Variants in VSNL1 observed in about 807,000 individuals in gnomAD.
VSNL1 encodes visinin-like protein 1.
VSNL1 carries 6 observed loss-of-function variants against 20.4 expected under a neutral mutation model. The observed-to-expected ratio is 0.29, with a 90% confidence interval of 0.16 to 0.58. The LOEUF is 0.58. Ranked by LOEUF, VSNL1 falls within the 20% of genes least tolerant of loss-of-function variation. VSNL1 has a pLI of 0.90. For synonymous variants in VSNL1, 93 were observed against 86.4 expected (o/e 1.08, Z -0.42); for missense variants, 100 against 234.5 (o/e 0.43, Z 3.75).
chr2:17,609,551 T>C (rs1356678016), intron 2 of VSNL1, among the ~76,000 whole-genome samples: 2 of 152,200 alleles, frequency 1.3e-5, no homozygotes, highest in African/African-American at 4.8e-5. Flanking sequence ...GTGCAAGATG[T>C]GCAGCTATGT....
intron 2 of VSNL1, among the ~76,000 whole-genome samples, chr2:17,620,146 G>A (rs1227244355): frequency 6.6e-6 from 1 of 152,168 alleles, no homozygotes; most frequent in African/African-American, 2.4e-5. Context: ...AAGGCACATT[G>A]GGAAACACAG....
rs180871313 is a variant in VSNL1 at position 17,583,666 on chromosome 2, C to G, written c.-5-8404C>G. Among the ~76,000 whole-genome samples, 24 of 152,326 alleles carry G rather than the reference C, an allele frequency of 1.6e-4. No individual in the cohort carries two copies. The East Asian group carries it at 4.6e-3, about 29-fold the overall frequency. On this transcript the variant is annotated intron_variant, in intron 1 of 3. Coordinates refer to ENST00000295156, the MANE Select transcript of VSNL1 (RefSeq NM_003385.5). ...GGGTGAGCAAGAAATTGGATGGAAA[C>G]TTCACTCAATGGTTGATGCTTAGTT...
intron 1 of VSNL1, among the ~76,000 whole-genome samples, chr2:17,567,204 T>C (rs537782382): frequency 6.6e-6 from 1 of 152,218 alleles, no homozygotes; most frequent in South Asian, 2.1e-4. Flanking sequence ...GATGATTTGG[T>C]TTCCAGGTAT....
At chr2:17,560,138 G>C (rs941286373) in intron 1 of VSNL1, among the ~76,000 whole-genome samples, 8 of 151,254 alleles carry the variant, frequency 5.3e-5, no homozygotes, top group Non-Finnish European at 1.0e-4. Flanking sequence ...ATATGTAACT[G>C]TAAATCTTAT....
intron 2 of VSNL1, among the ~76,000 whole-genome samples, chr2:17,621,318 C>A (rs888534240): frequency 7.4e-6 from 1 of 134,348 alleles, no homozygotes; most frequent in African/African-American, 2.8e-5. Context: ...TTCTCCTTTT[C>A]TTTTCTCTTT....
intron 1 of VSNL1, among the ~76,000 whole-genome samples, chr2:17,564,733 ATT>A (rs1663897345): frequency 6.6e-6 from 1 of 152,204 alleles, no homozygotes; most frequent in East Asian, 1.9e-4. Flanking sequence ...ACATGGTATA[ATT>A]ATTGATGAGC....
At chr2:17,622,440 G>T (rs2555098) in intron 2 of VSNL1, among the ~76,000 whole-genome samples, 7,760 of 149,744 alleles carry the variant, frequency 0.052, 698 homozygotes, top group African/African-American at 0.18. Context: ...GGAGGTCGCA[G>T]TGAGCCAAGA....
In VSNL1 at chr2:17,627,726, G is replaced by T. The variant is rs374166924; in HGVS notation, c.163-21684G>T. 1.7e-3 allele frequency among the ~76,000 whole-genome samples: 261 copies of T among 152,296 alleles called. 1 individual carries two copies. The highest frequency in any genetic ancestry group is 6.0e-3 in the African/African-American group (250 of 41,556). On this transcript the variant is annotated intron_variant, in intron 2 of 3. Transcript: ENST00000295156. ...AGACATCTCAAAAAGCAGATCTTAG[G>T]TTCACAATAGTGATGTTACCTTCAA...
rs368875920 is a variant in VSNL1, at chr2:17,585,497, G to T, written c.-5-6573G>T. Among the ~76,000 whole-genome samples the T allele has an allele frequency of 1.5e-4, 23 of 152,198 alleles. No individual in the cohort carries two copies. The South Asian group carries it at 4.2e-3, about 28-fold the overall frequency. ...GTGTCAGTTGTTTATAGGATCCAAG[G>T]GGGTGGTGCTGGGGGTTGTTTCAAC... On this transcript the variant is annotated intron_variant, in intron 1 of 3. Transcript: ENST00000295156.
intron 1 of VSNL1, among the ~76,000 whole-genome samples, chr2:17,580,434 T>G (rs1664324346): frequency 6.6e-6 from 1 of 152,082 alleles, no homozygotes; most frequent in South Asian, 2.1e-4. Flanking sequence ...GCTAATATCC[T>G]CAGGAAGTTT....
chr2:17,619,322 CG>C lies in VSNL1; in HGVS notation c.162+27089del, dbSNP rs371967510. Among the ~76,000 whole-genome samples, 370 of 152,140 alleles carry C rather than the reference CG, an allele frequency of 2.4e-3. 1 individual carries two copies. Among genetic ancestry groups the C allele is most frequent in the African/African-American group, 8.7e-3 (362 of 41,482 alleles). On this transcript the variant is annotated intron_variant, in intron 2 of 3. Transcript: ENST00000295156. Reference sequence around the variant, plus strand: ...TGGAGGCCTGGGTATAGGTAGAGAGCGGGCAATCTTGGTCCATCTTCTCAGC... The same window carrying C: ...TGGAGGCCTGGGTATAGGTAGAGAGCGGCAATCTTGGTCCATCTTCTCAGC...
intron 1 of VSNL1, among the ~76,000 whole-genome samples, chr2:17,547,441 T>C (rs2103336091): frequency 6.6e-6 from 1 of 152,152 alleles, no homozygotes; most frequent in East Asian, 1.9e-4. Flanking sequence ...AGGAATCAAA[T>C]AGTGAACAGT....
At position 17,544,889 on chromosome 2, in the gene VSNL1, G is replaced by A. The variant is rs138053050; in HGVS notation, c.-6+3971G>A. On this transcript the variant is annotated intron_variant, in intron 1 of 3. Coordinates refer to ENST00000295156, the MANE Select transcript of VSNL1 (RefSeq NM_003385.5). Reference sequence around the variant, plus strand: ...GAGATATATTAAAGAATGATTGATAGTTTTACTATCCCAATGGTTAATTCA... The same window carrying A: ...GAGATATATTAAAGAATGATTGATAATTTTACTATCCCAATGGTTAATTCA... Among the ~76,000 whole-genome samples, 4 of 152,226 alleles carry A rather than the reference G, an allele frequency of 2.6e-5. No individual in the cohort carries two copies. In the East Asian group the frequency reaches 7.7e-4, roughly 29 times the overall value.
At chr2:17,607,161 C>T (rs7559470) in intron 2 of VSNL1, among the ~76,000 whole-genome samples, 11,584 of 152,134 alleles carry the variant, frequency 0.076, 1,253 homozygotes, top group African/African-American at 0.24. Flanking sequence ...AAGCATCCTA[C>T]TTAATATGAA....
At chr2:17,599,453 T>C (rs974371879) in intron 2 of VSNL1, among the ~76,000 whole-genome samples, 1 of 152,202 alleles carries the variant, frequency 6.6e-6, no homozygotes, top group Non-Finnish European at 1.5e-5. Flanking sequence ...GTATGTTAGG[T>C]TGAAACAAAA....
rs1802174 is a variant in VSNL1 at position 17,540,775 on chromosome 2, G to A, written c.-149G>A. 0.023 allele frequency: 3,568 copies of A among 152,806 alleles called. 54 individuals are homozygous for A. Among genetic ancestry groups the A allele is most frequent in the Middle Eastern group, 0.041 (12 of 294 alleles). The allele number at this position is 152,806 out of a possible 1,614,324, so 9.5% of individuals were successfully genotyped here. A position where few individuals can be genotyped will look rare whatever the true frequency, so the allele number is the denominator to read the frequency against. On this transcript the variant is annotated 5_prime_UTR_variant, in exon 1 of 4. Coordinates refer to ENST00000295156, the MANE Select transcript of VSNL1 (RefSeq NM_003385.5). Reference sequence around the variant, plus strand: ...GCGCGATCCAAGAGGGATTTAAGCAGCCCAGAGCTCCAGAGAAAAAGAGAG... The same window carrying A: ...GCGCGATCCAAGAGGGATTTAAGCAACCCAGAGCTCCAGAGAAAAAGAGAG...
intron 2 of VSNL1, among the ~76,000 whole-genome samples, chr2:17,604,635 A>G (rs1384390549): frequency 1.3e-5 from 2 of 152,246 alleles, no homozygotes; most frequent in South Asian, 2.1e-4. Flanking sequence ...CCTGGCTGCT[A>G]CAGGTGGCCC....
chr2:17,569,924 C>G (rs979929165), intron 1 of VSNL1, among the ~76,000 whole-genome samples: 6 of 152,202 alleles, frequency 3.9e-5, no homozygotes, highest in African/African-American at 1.4e-4. Flanking sequence ...GGAAATAGTA[C>G]AAACTCAGAC....
At chr2:17,555,515 G>T (rs182009213) in intron 1 of VSNL1, among the ~76,000 whole-genome samples, 1 of 151,968 alleles carries the variant, frequency 6.6e-6, no homozygotes, top group Non-Finnish European at 1.5e-5. Context: ...ATATCCAGTG[G>T]TAGTCTTCCT....
Sources: allele counts gnomAD v4.1 joint callset (sites outside exome capture counted in the v4.1 genomes callset), GRCh38; gene constraint gnomAD v4.1.1; transcripts MANE v1.5; gene names NCBI Gene and HGNC (gene_info 2026-07-23, HGNC 2026-07-21).